DLG2: variants seen among roughly 807,000 people sequenced by gnomAD.
DLG2 encodes discs large MAGUK scaffold protein 2, also known as disks large homolog 2.
A neutral mutation model predicts 132.5 loss-of-function variants in DLG2; 45 were observed. The observed-to-expected ratio is 0.34, with a 90% CI of 0.27 to 0.44. DLG2 has a LOEUF of 0.44. Among genes scored for constraint, DLG2 ranks in the 20% least tolerant of loss-of-function variants. DLG2 has a pLI of 1.00. For synonymous variants in DLG2, 424 were observed against 419.6 expected, an observed-to-expected ratio of 1.01 and a Z score of -0.13; for missense variants, 1,045 against 1,196.9, an observed-to-expected ratio of 0.87 and a Z score of 1.87.
chr11:85,514,307 G>T (rs2094133932), intron 3 of DLG2, among the ~76,000 whole-genome samples: 1 of 151,976 alleles, frequency 6.6e-6, no homozygotes, highest in African/African-American at 2.4e-5. Flanking sequence ...ACAGCTCATT[G>T]GTGGATGTGA....
chr11:83,665,164 G>A (rs1215249102), intron 18 of DLG2, among the ~76,000 whole-genome samples: 1 of 152,214 alleles, frequency 6.6e-6, no homozygotes, highest in African/African-American at 2.4e-5. Flanking sequence ...TTGAAAGAGA[G>A]AAGGCTTAAG....
At chr11:84,752,838 G>C (rs964495104) in intron 6 of DLG2, among the ~76,000 whole-genome samples, 2 of 147,230 alleles carry the variant, frequency 1.4e-5, no homozygotes, top group Non-Finnish European at 3.0e-5. Context: ...TTGTTCTTGC[G>C]ATAGTTTACT....
At position 84,144,636 on chromosome 11, in the gene DLG2, T is replaced by C. The variant is rs535878106; in HGVS notation, c.624+18825A>G. On this transcript the variant is annotated intron_variant, in intron 9 of 27. Coordinates refer to ENST00000376104, the MANE Select transcript of DLG2 (RefSeq NM_001142699.3). The stretch of plus-strand genomic sequence containing the variant: ...GGGTAGGAAGAATAACATGAGGAGA[T>C]AACCAACAAAGGTCCACTATTGAAA... Among the ~76,000 whole-genome samples the C allele has an allele frequency of 2.6e-5, 4 of 152,222 alleles. No homozygotes were observed. In the East Asian group the frequency reaches 7.7e-4, roughly 29 times the overall value.
chr11:84,710,400 T>C (rs1221031380), intron 6 of DLG2, among the ~76,000 whole-genome samples: 1 of 151,954 alleles, frequency 6.6e-6, no homozygotes, highest in African/African-American at 2.4e-5. Context: ...TTTCTCCAAA[T>C]GGAGATTTTC....
At chr11:83,797,900 A>G (rs1466067817) in intron 17 of DLG2, among the ~76,000 whole-genome samples, 1 of 152,224 alleles carries the variant, frequency 6.6e-6, no homozygotes, top group Non-Finnish European at 1.5e-5. Context: ...ATATTTGACC[A>G]TAATGAGGAG....
In DLG2 at chr11:83,965,376, T is replaced by C. The variant is rs144952538; in HGVS notation, c.1149A>G (p.Lys383=). 3 of 1,612,480 alleles carry C rather than the reference T, an allele frequency of 1.9e-6. No homozygotes were observed. The highest frequency in any genetic ancestry group is 2.5e-6 in the Non-Finnish European group (3 of 1,178,884). The change falls in exon 13 of 28, where the codon AAA becomes AAG. Residue 383 remains lysine (K), a synonymous_variant. Transcript: ENST00000376104. ...TSEVVYLKVG[K]PTTIYMTDPY... is the part of the protein sequence containing the mutation. Reference sequence around the variant, plus strand: ...GATCAGTCATATAAATGGTAGTGGGTTTGCCAACTTTTAAATAAACTACCT... The same window carrying C: ...GATCAGTCATATAAATGGTAGTGGGCTTGCCAACTTTTAAATAAACTACCT...
chr11:83,704,674 A>T (rs909270648), intron 18 of DLG2, among the ~76,000 whole-genome samples: 1 of 150,496 alleles, frequency 6.6e-6, no homozygotes, highest in Non-Finnish European at 1.5e-5. Context: ...AAAAAAAAAA[A>T]ATATTAGCTG....
intron 6 of DLG2, among the ~76,000 whole-genome samples, chr11:84,859,214 T>G (rs1473386903): frequency 6.6e-6 from 1 of 150,858 alleles, no homozygotes; most frequent in Non-Finnish European, 1.5e-5. Flanking sequence ...TTGTTGCTCT[T>G]AAAGAAATAC....
At chr11:85,235,200 T>A (rs376208964) in intron 4 of DLG2, among the ~76,000 whole-genome samples, 1 of 151,514 alleles carries the variant, frequency 6.6e-6, no homozygotes, top group South Asian at 2.1e-4. Context: ...CTGCAATTAA[T>A]AATTCATTTC....
chr11:84,800,823 A>G (rs900411398), intron 6 of DLG2: 5 of 152,226 alleles, frequency 3.3e-5, no homozygotes, highest in African/African-American at 1.2e-4. Context: ...ATATTTTTTA[A>G]AGTTATTTTT....
In DLG2 at chr11:84,059,365, C is replaced by T. The variant is rs958099908; in HGVS notation, c.869G>A (p.Arg290Gln). 3 of 1,613,588 alleles carry T rather than the reference C, an allele frequency of 1.9e-6. No individual in the cohort carries two copies. Among genetic ancestry groups the T allele is most frequent in the South Asian group, 1.1e-5 (1 of 90,978 alleles). Residue 290 changes from arginine to glutamine, a missense_variant, in exon 11 of 28, where the codon CGA becomes CAA. Arg to Gln is a conservative substitution (Grantham distance 43). Transcript: ENST00000376104. ...TTCCACAACGGTCTCCAAAATAGGT[C>T]GTCTTCTACGCACATACAGCCGAAC... ...SIVRLYVRRR[R>Q]PILETVVEIK...
chr11:84,077,556 A>G (rs1429910131), intron 10 of DLG2, among the ~76,000 whole-genome samples: 1 of 152,228 alleles, frequency 6.6e-6, no homozygotes, highest in Non-Finnish European at 1.5e-5. Flanking sequence ...AGGAAAACAA[A>G]AACAACTATG....
Position 85,310,664 on chromosome 11 carries a change from G to T in DLG2, c.41-25299C>A, listed in dbSNP as rs554125029. 6.6e-5 allele frequency among the ~76,000 whole-genome samples: 10 copies of T among 152,356 alleles called. No homozygotes were observed. The South Asian group carries it at 1.4e-3, about 22-fold the overall frequency. ...CCTGTTGCTAATGGTAACAGGATTA[G>T]ACTAGATGGGGAACTGTAATTAGGC... On this transcript the variant is annotated intron_variant, in intron 3 of 27. Coordinates refer to ENST00000376104, the MANE Select transcript of DLG2 (RefSeq NM_001142699.3).
In DLG2 at chr11:83,484,146, T is replaced by C. The variant is rs781208977; in HGVS notation, c.2276A>G (p.Glu759Gly). Reference protein sequence around the residue: ...FYKNKEQSEQETSDPERGQED... With the variant: ...FYKNKEQSEQGTSDPERGQED... ...CTACTTACGTTCAGGATCACTGGTT[T>C]CCTGCTCACTCTGCTCCTTGTTCTT... Residue 759 changes from glutamate to glycine, a missense_variant, in exon 22 of 28, where the codon GAA becomes GGA. By Grantham distance (98) the Glu-to-Gly change is moderately conservative. This residue lies in a region of DLG2 where 398 missense variants were observed against 543.6 expected (regional missense o/e 0.73). Transcript: ENST00000376104. The C allele has an allele frequency of 4.3e-6, 7 of 1,613,302 alleles. No homozygotes were observed. In the South Asian group the frequency reaches 5.5e-5, roughly 13 times the overall value.
chr11:85,495,147 T>A (rs976365522), intron 3 of DLG2, among the ~76,000 whole-genome samples: 2 of 152,096 alleles, frequency 1.3e-5, no homozygotes, highest in Non-Finnish European at 2.9e-5. Context: ...AATAAGCAAA[T>A]ACTCATCCAC....
intron 18 of DLG2, among the ~76,000 whole-genome samples, chr11:83,702,385 A>G (rs892587674): frequency 6.6e-6 from 1 of 152,242 alleles, no homozygotes; most frequent in Non-Finnish European, 1.5e-5. Flanking sequence ...AAAAGGTAGA[A>G]TGTGACTTAT....
At chr11:84,302,519 G>A (rs944436026) in intron 7 of DLG2, among the ~76,000 whole-genome samples, 4 of 152,040 alleles carry the variant, frequency 2.6e-5, no homozygotes, top group Admixed American at 2.0e-4. Context: ...AGATCTGTGA[G>A]CACGTGTCAA....
chr11:85,387,541 G>C (rs963022754), intron 3 of DLG2, among the ~76,000 whole-genome samples: 1 of 152,202 alleles, frequency 6.6e-6, no homozygotes, highest in South Asian at 2.1e-4. Context: ...AGCCATGTCA[G>C]CTGACAAATG....
At chr11:85,326,243 C>T in intron 3 of DLG2, among the ~76,000 whole-genome samples, 1 of 138,738 alleles carries the variant, frequency 7.2e-6, no homozygotes, top group African/African-American at 2.8e-5. Flanking sequence ...CAAGGCAGGC[C>T]AACGTTCAGA....
Sources: allele counts gnomAD v4.1 joint callset (sites outside exome capture counted in the v4.1 genomes callset), GRCh38; gene constraint gnomAD v4.1.1; regional missense constraint gnomAD v4.1.1; transcripts MANE v1.5; gene names NCBI Gene and HGNC (gene_info 2026-07-23, HGNC 2026-07-21).